Variants in MED13 observed in about 807,000 individuals in gnomAD.
MED13 encodes the protein mediator of RNA polymerase II transcription subunit 13.
A neutral mutation model predicts 225.2 loss-of-function variants in MED13; 23 were observed. That is an observed-to-expected ratio of 0.10 (90% CI 0.07 to 0.14). The LOEUF (loss-of-function observed/expected upper bound fraction) is 0.14. Among genes scored for constraint, MED13 ranks in the 10% least tolerant of loss-of-function variants. MED13 has a pLI of 1.00. For missense variants in MED13, 2,197 were observed against 2,594.5 expected (o/e 0.85, Z 3.33); for synonymous variants, 942 against 889.2 (o/e 1.06, Z -1.06).
chr17:61,949,849 A>AT (rs562029479), intron 28 of MED13, among the ~76,000 whole-genome samples: 1 of 151,788 alleles, frequency 6.6e-6, no homozygotes, highest in Non-Finnish European at 1.5e-5. Context: ...CGCCTGGCTA[A>AT]TTTTTTTGTA....
At chr17:62,020,255 G>GA (rs1365395249) in intron 8 of MED13, among the ~76,000 whole-genome samples, 1 of 151,436 alleles carries the variant, frequency 6.6e-6, no homozygotes, top group African/African-American at 2.4e-5. Context: ...GAAGATTAAA[G>GA]AAAACCTTTT....
chr17:61,997,085 G>T (rs1424425901), intron 9 of MED13, among the ~76,000 whole-genome samples: 1 of 152,162 alleles, frequency 6.6e-6, no homozygotes. Flanking sequence ...TGTAAGGTCT[G>T]GTAGCAATGA....
chr17:62,032,231 T>C (rs1250015233), intron 5 of MED13: 1 of 151,868 alleles, frequency 6.6e-6, no homozygotes, highest in Non-Finnish European at 1.5e-5. Context: ...CCTAGCACTT[T>C]GGGAGGCCGA....
At chr17:62,038,025 T>A (rs1412119211) in intron 3 of MED13, among the ~76,000 whole-genome samples, 1 of 147,376 alleles carries the variant, frequency 6.8e-6, no homozygotes, top group Non-Finnish European at 1.5e-5. Context: ...TAACCTTTTA[T>A]CTACTGTTCC....
chr17:61,988,904 C>T (rs750287726), intron 11 of MED13, among the ~76,000 whole-genome samples: 2 of 152,004 alleles, frequency 1.3e-5, no homozygotes, highest in Non-Finnish European at 2.9e-5. Context: ...TACAATAGAT[C>T]TCTTGAACTT....
chr17:62,017,830 A>G (rs2080597915), intron 8 of MED13, among the ~76,000 whole-genome samples: 1 of 152,262 alleles, frequency 6.6e-6, no homozygotes, highest in Non-Finnish European at 1.5e-5. Flanking sequence ...AGAAATAGGT[A>G]GTGCATATAA....
intron 12 of MED13, 73 bp from the exon 13 acceptor site, chr17:61,985,163 ATAACT>A (rs369427644): frequency 1.5e-5 from 19 of 1,254,610 alleles, no homozygotes; most frequent in African/African-American, 1.5e-4. Flanking sequence ...TCATTCAGAT[ATAACT>A]TAACAGTAAA....
chr17:61,980,515 A>G (rs918071797), intron 16 of MED13, among the ~76,000 whole-genome samples: 1 of 152,116 alleles, frequency 6.6e-6, no homozygotes, highest in African/African-American at 2.4e-5. Flanking sequence ...TAGTACTACC[A>G]TTCACCCAGG....
intron 19 of MED13, among the ~76,000 whole-genome samples, chr17:61,965,700 A>G (rs2080051909): frequency 6.6e-6 from 1 of 152,252 alleles, no homozygotes; most frequent in Non-Finnish European, 1.5e-5. Context: ...AAAATTAAAG[A>G]AATGATTACT....
At chr17:61,951,101 C>T (rs1276241992) in intron 27 of MED13, 103 bp from the exon 28 acceptor site, 3 of 835,460 alleles carry the variant, frequency 3.6e-6, no homozygotes, top group Non-Finnish European at 5.2e-6. Flanking sequence ...TATCTTATGA[C>T]ATCGATTTAA....
At chr17:61,989,563 C>A (rs1477933511) in intron 11 of MED13, among the ~76,000 whole-genome samples, 3 of 152,214 alleles carry the variant, frequency 2.0e-5, no homozygotes, top group Non-Finnish European at 1.5e-5. Flanking sequence ...GTCTCAAACT[C>A]CTGACCTCAG....
rs142643010 is a variant in MED13, at chr17:61,953,929, C to T, written c.5969-816G>A. On this transcript the variant is annotated intron_variant, in intron 26 of 29. Coordinates refer to ENST00000397786, the MANE Select transcript of MED13 (RefSeq NM_005121.3). ...ACCAAATCCTATATACTGGTTTTTC[C>T]TTTACGTACACACCTATGATGGAGT... Among the ~76,000 whole-genome samples the T allele has an allele frequency of 1.8e-4, 28 of 152,274 alleles. No homozygotes were observed. In the East Asian group the frequency reaches 5.4e-3, roughly 29 times the overall value.
chr17:61,951,616 G>T (rs963361904), intron 27 of MED13, among the ~76,000 whole-genome samples: 2 of 152,076 alleles, frequency 1.3e-5, no homozygotes, highest in Admixed American at 6.6e-5. Flanking sequence ...ACATAAATTA[G>T]GGTATAGCAA....
At chr17:61,978,709 G>A (rs887429711) in intron 16 of MED13, among the ~76,000 whole-genome samples, 1 of 152,128 alleles carries the variant, frequency 6.6e-6, no homozygotes, top group Non-Finnish European at 1.5e-5. Flanking sequence ...TTCAAACCCA[G>A]GCAGTCTGAG....
At chr17:61,947,971 T>A (rs1236709717) in intron 28 of MED13, among the ~76,000 whole-genome samples, 1 of 152,212 alleles carries the variant, frequency 6.6e-6, no homozygotes, top group East Asian at 1.9e-4. Flanking sequence ...TAGAAACTCA[T>A]GTAGTACATT....
chr17:62,055,251 C>T (rs1392740969), intron 2 of MED13, among the ~76,000 whole-genome samples: 1 of 151,088 alleles, frequency 6.6e-6, no homozygotes, highest in Admixed American at 6.6e-5. Flanking sequence ...AAAAATTAGC[C>T]ATGCATGGCA....
chr17:61,995,998 T>C (rs2080343734), intron 9 of MED13, among the ~76,000 whole-genome samples: 1 of 152,176 alleles, frequency 6.6e-6, no homozygotes, highest in Non-Finnish European at 1.5e-5. Flanking sequence ...AGTCTTCTGG[T>C]TCAACACAGC....
In MED13 at chr17:61,987,058, G is replaced by A; in HGVS notation, c.2334C>T (p.Val778=). 1 of 1,607,394 alleles carries A rather than the reference G, an allele frequency of 6.2e-7. No homozygotes were observed. ...TSLIYDSDLA[V]SYTDLDNLFN... Reference sequence around the variant, plus strand: ...AGAGATTATCAAGGTCAGTATAAGAGACAGCCAGGTCTGAGTCATAAATCA... The same window carrying A: ...AGAGATTATCAAGGTCAGTATAAGAAACAGCCAGGTCTGAGTCATAAATCA... Residue 778 remains valine (V), a synonymous_variant, in exon 12 of 30, where the codon GTC becomes GTT. Coordinates refer to ENST00000397786, the MANE Select transcript of MED13 (RefSeq NM_005121.3).
intron 9 of MED13, among the ~76,000 whole-genome samples, chr17:62,008,035 A>C (rs1323131962): frequency 7.0e-6 from 1 of 143,608 alleles, no homozygotes; most frequent in Non-Finnish European, 1.5e-5. Context: ...AAAAAAAAAA[A>C]AGCTGTGCGC....
Sources: gnomAD v4.1 joint callset for allele counts (sites outside exome capture counted in the v4.1 genomes callset) on GRCh38, gnomAD v4.1.1 for gene constraint, MANE v1.5 for transcripts, NCBI Gene and HGNC (gene_info 2026-07-23, HGNC 2026-07-21) for gene names.